The following OTUD7A variants were observed in gnomAD, a reference collection of about 807,000 sequenced individuals.
OTUD7A encodes OTU deubiquitinase 7A.
In OTUD7A, 12 loss-of-function variants were observed where a neutral mutation model predicts 65.7. The observed-to-expected ratio is 0.18, with a 90% CI of 0.12 to 0.30. OTUD7A has a LOEUF of 0.30. Among genes scored for constraint, OTUD7A ranks in the 10% least tolerant of loss-of-function variants. OTUD7A has a pLI of 1.00. For missense variants in OTUD7A, 1,148 were observed against 1,304.8 expected, an observed-to-expected ratio of 0.88 and a Z score of 1.85; for synonymous variants, 641 against 586.3, an observed-to-expected ratio of 1.09 and a Z score of -1.35.
chr15:31,853,164 G>A (rs936408916), intron 1 of OTUD7A, among the ~76,000 whole-genome samples: 10 of 152,324 alleles, frequency 6.6e-5, no homozygotes, highest in African/African-American at 2.2e-4. Flanking sequence ...CTTGGAAAAG[G>A]AGCCCTAAAG....
In OTUD7A at chr15:31,483,289, G is replaced by GCCGCT; in HGVS notation, c.2802_*4dup. On this transcript the variant is annotated 3_prime_UTR_variant, in exon 13 of 13. Transcript: ENST00000307050. Reference sequence around the variant, plus strand: ...AACCTCGCCGCCCGCGCCGCGCCGCGCCGCTCAGGGCCGGGCCCCGCGCGC... The same window carrying GCCGCT: ...AACCTCGCCGCCCGCGCCGCGCCGCGCCGCTCCGCTCAGGGCCGGGCCCCGCGCGC... 9.0e-7 allele frequency: 1 copy of GCCGCT among 1,115,488 alleles called. No homozygotes were observed. Among genetic ancestry groups the GCCGCT allele is most frequent in the African/African-American group, 1.7e-5 (1 of 60,098 alleles). The allele number at this position is 1,115,488 out of a possible 1,614,324, so 69.1% of individuals were successfully genotyped here. A position where few individuals can be genotyped will look rare whatever the true frequency, so the allele number is the denominator to read the frequency against.
At chr15:31,711,962 G>C (rs933393896) in intron 1 of OTUD7A, among the ~76,000 whole-genome samples, 3 of 151,234 alleles carry the variant, frequency 2.0e-5, no homozygotes, top group Admixed American at 6.6e-5. Context: ...TGTCTCACTT[G>C]AGCGTCTACA....
chr15:31,778,511 A>G (rs559229423), intron 1 of OTUD7A, among the ~76,000 whole-genome samples: 3 of 152,312 alleles, frequency 2.0e-5, no homozygotes, highest in South Asian at 4.1e-4. Context: ...ACTACATACA[A>G]TGCACACAGT....
intron 1 of OTUD7A, among the ~76,000 whole-genome samples, chr15:31,802,153 A>ATATATATATG (rs112482684): frequency 1.9e-4 from 28 of 150,290 alleles, no homozygotes; most frequent in African/African-American, 6.9e-4. Flanking sequence ...ATATATATAT[A>ATATATATATG]TGTAAAGGGG....
intron 5 of OTUD7A, among the ~76,000 whole-genome samples, chr15:31,548,640 A>T (rs1218328322): frequency 1.3e-5 from 2 of 152,094 alleles, no homozygotes; most frequent in Non-Finnish European, 2.9e-5. Context: ...ACATAATTAA[A>T]ATGGCGTATA....
At chr15:31,732,989 C>T (rs918240089) in intron 1 of OTUD7A, among the ~76,000 whole-genome samples, 1 of 152,188 alleles carries the variant, frequency 6.6e-6, no homozygotes, top group Non-Finnish European at 1.5e-5. Flanking sequence ...TGCTCCTTCA[C>T]ACAGCAGACA....
intron 1 of OTUD7A, among the ~76,000 whole-genome samples, chr15:31,672,497 G>A (rs1056841802): frequency 4.6e-5 from 7 of 152,116 alleles, no homozygotes; most frequent in Non-Finnish European, 7.4e-5. Context: ...TACATTGATC[G>A]TGCTTACTGC....
At chr15:31,773,691 G>A (rs1379377640) in intron 1 of OTUD7A, among the ~76,000 whole-genome samples, 1 of 152,152 alleles carries the variant, frequency 6.6e-6, no homozygotes, top group Non-Finnish European at 1.5e-5. Flanking sequence ...GTTAATCTTT[G>A]TGTTTCAGTT....
At chr15:31,698,965 A>G (rs954050949) in intron 1 of OTUD7A, among the ~76,000 whole-genome samples, 2 of 152,126 alleles carry the variant, frequency 1.3e-5, no homozygotes, top group African/African-American at 4.8e-5. Flanking sequence ...TACTGAGATA[A>G]CATTCGTAGA....
chr15:31,519,786 C>A (rs1249317217), intron 8 of OTUD7A, among the ~76,000 whole-genome samples: 1 of 152,156 alleles, frequency 6.6e-6, no homozygotes, highest in Non-Finnish European at 1.5e-5. Flanking sequence ...ATATTTGATA[C>A]ACAAATTTAG....
At chr15:31,816,779 T>G (rs559578527) in intron 1 of OTUD7A, among the ~76,000 whole-genome samples, 1 of 152,362 alleles carries the variant, frequency 6.6e-6, no homozygotes, top group East Asian at 1.9e-4. Context: ...GCAAACAAAT[T>G]ATTAATGCCA....
chr15:31,852,019 C>T (rs1442446269), intron 1 of OTUD7A, among the ~76,000 whole-genome samples: 1 of 152,140 alleles, frequency 6.6e-6, no homozygotes, highest in African/African-American at 2.4e-5. Context: ...CCACCATGCC[C>T]AGCTAATTTT....
chr15:31,868,606 C>G (rs1422623115), intron 1 of OTUD7A, among the ~76,000 whole-genome samples: 1 of 152,136 alleles, frequency 6.6e-6, no homozygotes, highest in Non-Finnish European at 1.5e-5. Context: ...CTTAGGCACA[C>G]CATTGGGAAT....
At chr15:31,784,860 G>A (rs1248826450) in intron 1 of OTUD7A, among the ~76,000 whole-genome samples, 1 of 152,192 alleles carries the variant, frequency 6.6e-6, no homozygotes, top group African/African-American at 2.4e-5. Context: ...GAAGGTAGAT[G>A]ATTCTCCTGA....
At chr15:31,768,091 A>T in intron 1 of OTUD7A, 2 of 1,598,528 alleles carry the variant, frequency 1.3e-6, no homozygotes, top group Non-Finnish European at 8.6e-7. Flanking sequence ...CATATTTTTT[A>T]AAGTGTTGTC....
At position 31,746,584 on chromosome 15, in the gene OTUD7A, C is replaced by G. The variant is rs148526013; in HGVS notation, c.-99-89507G>C. Among the ~76,000 whole-genome samples, 777 of 151,422 alleles carry G rather than the reference C, an allele frequency of 5.1e-3. 6 individuals carry two copies. Among genetic ancestry groups the G allele is most frequent in the African/African-American group, 0.017 (691 of 41,254 alleles). ...CGATCTCGGCTCCCTGCAACCTCCA[C>G]CTCCCAGGTTCAAGTGATTCTCCTG... On this transcript the variant is annotated intron_variant, in intron 1 of 12. Coordinates refer to ENST00000307050, the MANE Select transcript of OTUD7A (RefSeq NM_001382637.1).
intron 3 of OTUD7A, among the ~76,000 whole-genome samples, chr15:31,614,298 A>T (rs1303397549): frequency 1.4e-5 from 2 of 142,926 alleles, no homozygotes; most frequent in Non-Finnish European, 3.1e-5. Context: ...TAACCTATGG[A>T]AAAATAGAAA....
intron 1 of OTUD7A, among the ~76,000 whole-genome samples, chr15:31,764,199 A>G (rs1385901080): frequency 2.0e-5 from 3 of 152,206 alleles, no homozygotes; most frequent in African/African-American, 7.2e-5. Context: ...CACATTTTAC[A>G]TATCTATAAG....
At chr15:31,776,067 G>A (rs1895370757) in intron 1 of OTUD7A, among the ~76,000 whole-genome samples, 1 of 152,340 alleles carries the variant, frequency 6.6e-6, no homozygotes, top group South Asian at 2.1e-4. Flanking sequence ...GCAGCCACCT[G>A]CACCTGTCCA....
Sources: allele counts gnomAD v4.1 joint callset (sites outside exome capture counted in the v4.1 genomes callset), GRCh38; gene constraint gnomAD v4.1.1; transcripts MANE v1.5; gene names NCBI Gene and HGNC (gene_info 2026-07-23, HGNC 2026-07-21).